SNX14: variants seen among roughly 807,000 people sequenced by gnomAD.
SNX14 encodes the protein sorting nexin 14, also known as sorting nexin-14.
SNX14 carries 93 observed loss-of-function variants against 133.8 expected under a neutral mutation model. The ratio of observed to expected loss-of-function variants is 0.70; its 90% confidence interval spans 0.59 to 0.83. The LOEUF (loss-of-function observed/expected upper bound fraction) is 0.83. Among genes scored for constraint, SNX14 ranks in the 40% least tolerant of loss-of-function variants. SNX14 has a pLI of 0.00. For missense variants in SNX14, 945 were observed against 1,094.9 expected, an observed-to-expected ratio of 0.86 and a Z score of 1.93; for synonymous variants, 368 against 365.6, an observed-to-expected ratio of 1.01 and a Z score of -0.07.
intron 21 of SNX14, among the ~76,000 whole-genome samples, chr6:85,525,459 A>G (rs1381243035): frequency 6.6e-6 from 1 of 152,192 alleles, no homozygotes. Context: ...TATTTCCACA[A>G]TCTCATGTGT....
chr6:85,554,995 A>G (rs1239686129), intron 7 of SNX14, among the ~76,000 whole-genome samples: 1 of 151,440 alleles, frequency 6.6e-6, no homozygotes, highest in Non-Finnish European at 1.5e-5. Flanking sequence ...TAATTTTTTT[A>G]TTTTTTTGTA....
intron 26 of SNX14, among the ~76,000 whole-genome samples, chr6:85,512,673 T>C (rs370457846): frequency 4.8e-4 from 73 of 151,476 alleles, no homozygotes; most frequent in African/African-American, 1.6e-3. Context: ...TTGGTTCCCC[T>C]GGAGTTTTTA....
chr6:85,584,640 AT>A, intron 1 of SNX14, among the ~76,000 whole-genome samples: 1 of 152,372 alleles, frequency 6.6e-6, no homozygotes, highest in Admixed American at 6.5e-5. Flanking sequence ...CAACAAACAT[AT>A]GAAAAAAAGC....
At chr6:85,566,107 T>A (rs1793737485) in intron 5 of SNX14, among the ~76,000 whole-genome samples, 1 of 152,242 alleles carries the variant, frequency 6.6e-6, no homozygotes, top group East Asian at 1.9e-4. Context: ...AAGGGGATAT[T>A]ACAGCATCAA....
At chr6:85,588,100 G>A (rs1801553105) in intron 1 of SNX14, among the ~76,000 whole-genome samples, 2 of 151,992 alleles carry the variant, frequency 1.3e-5, no homozygotes, top group African/African-American at 4.8e-5. Flanking sequence ...GACCAGCCTA[G>A]GCAATATAGT....
At chr6:85,507,930 C>T in intron 27 of SNX14, 38 bp downstream of exon 27, 1 of 1,574,276 alleles carries the variant, frequency 6.4e-7, no homozygotes, top group East Asian at 2.3e-5. Flanking sequence ...TTCACCAAAC[C>T]TAGCCAGCAT....
At position 85,593,599 on chromosome 6, in the gene SNX14, G is replaced by T. The variant is rs762717549; in HGVS notation, c.120C>A (p.Ala40=). The change falls in exon 1 of 29, where the codon GCC becomes GCA. Residue 40 remains alanine, a synonymous_variant. Coordinates refer to ENST00000314673, the MANE Select transcript of SNX14 (RefSeq NM_153816.6). ...GTTACCTGTTAAGAAGCAGGGAGGC[G>T]GCGCTGAGACAGAGCAGCAGGAAGC... ...LFCFLLLCLS[A]ASLLLNRYIH... is the part of the protein sequence containing the mutation. The T allele has an allele frequency of 1.4e-5, 23 of 1,612,502 alleles. No homozygotes were observed. The highest frequency in any genetic ancestry group is 1.9e-5 in the Non-Finnish European group (23 of 1,179,520).
intron 5 of SNX14, 139 bp from the exon 6 acceptor site, chr6:85,565,558 C>A (rs1793542122): frequency 5.0e-6 from 3 of 598,978 alleles, no homozygotes; most frequent in Non-Finnish European, 8.8e-6. Flanking sequence ...CATTTCATTG[C>A]AGAAAAAAAG....
chr6:85,551,500 A>C (rs115075150), intron 7 of SNX14, among the ~76,000 whole-genome samples: 297 of 152,316 alleles, frequency 1.9e-3, no homozygotes, highest in African/African-American at 7.0e-3. Context: ...GTATCAACCA[A>C]TCAGAACTCA....
chr6:85,578,845 T>C (rs1387373217), intron 1 of SNX14, among the ~76,000 whole-genome samples: 3 of 152,034 alleles, frequency 2.0e-5, no homozygotes, highest in African/African-American at 7.2e-5. Context: ...TTCTTAAGAT[T>C]TCAGAGGTAG....
Position 85,554,210 on chromosome 6 carries a change from T to C in SNX14, c.634+3766A>G, listed in dbSNP as rs142855508. 4.8e-3 allele frequency among the ~76,000 whole-genome samples: 736 copies of C among 151,932 alleles called. 23 individuals carry two copies. Among genetic ancestry groups the C allele is most frequent in the Admixed American group, 0.045 (691 of 15,246 alleles). On this transcript the variant is annotated intron_variant, in intron 7 of 28. Transcript: ENST00000314673. ...GGAGTAAGATCCCACACAATCATTA[T>C]CCAATTTAAGTTTATATATATATAT... is the stretch of plus-strand genomic sequence containing the variant.
intron 6 of SNX14, among the ~76,000 whole-genome samples, chr6:85,560,106 G>GT (rs1203193581): frequency 6.6e-6 from 1 of 152,082 alleles, no homozygotes; most frequent in Non-Finnish European, 1.5e-5. Context: ...TAGACATAGA[G>GT]TTTTTGATCC....
intron 1 of SNX14, among the ~76,000 whole-genome samples, chr6:85,585,072 C>A (rs1394182179): frequency 2.0e-5 from 3 of 152,122 alleles, no homozygotes. Flanking sequence ...AGGATGAGTT[C>A]ATGTCCTTTT....
rs1044775806 is a variant in SNX14, at chr6:85,517,686, C to T, written c.2268+70G>A. ...TTCATTAACAAAGTATTCATTCTCT[C>T]GACAATGAAAAAGTAATCTCAAGTA... On this transcript the variant is annotated intron_variant, in intron 23 of 28. Transcript: ENST00000314673. The T allele has an allele frequency of 1.3e-5, 20 of 1,481,874 alleles. No homozygotes were observed. In the African/African-American group the frequency reaches 2.0e-4, roughly 15 times the overall value. 91.8% of individuals were successfully genotyped at this position (1,481,874 alleles called of 1,614,324 possible).
intron 19 of SNX14, among the ~76,000 whole-genome samples, chr6:85,528,876 C>T (rs1235349302): frequency 6.6e-6 from 1 of 150,562 alleles, no homozygotes; most frequent in Non-Finnish European, 1.5e-5. Context: ...GATATAAAAC[C>T]CCATCTCTAC....
intron 2 of SNX14, 100 bp from the exon 3 acceptor site, chr6:85,572,474 A>C (rs1795955764): frequency 3.4e-6 from 3 of 890,618 alleles, no homozygotes; most frequent in Admixed American, 2.5e-5. Context: ...TCAATGTATA[A>C]ATTCAAAGAA....
At chr6:85,540,708 T>G (rs1783429541) in intron 15 of SNX14, among the ~76,000 whole-genome samples, 1 of 152,220 alleles carries the variant, frequency 6.6e-6, no homozygotes, top group African/African-American at 2.4e-5. Flanking sequence ...TAACACTTGG[T>G]TACGTCAAGA....
At chr6:85,521,646 AGAAG>A (rs1776907553) in intron 21 of SNX14, among the ~76,000 whole-genome samples, 3 of 152,150 alleles carry the variant, frequency 2.0e-5, no homozygotes, top group South Asian at 4.1e-4. Context: ...TTTGCTGTGT[AGAAG>A]CCTTTTATTA....
intron 20 of SNX14, among the ~76,000 whole-genome samples, chr6:85,526,990 A>G (rs949191364): frequency 6.6e-6 from 1 of 152,030 alleles, no homozygotes; most frequent in African/African-American, 2.4e-5. Context: ...AATCGGTTGA[A>G]CTCGGGAGGT....
Sources: gnomAD v4.1 joint callset for allele counts (sites outside exome capture counted in the v4.1 genomes callset) on GRCh38, gnomAD v4.1.1 for gene constraint, MANE v1.5 for transcripts, NCBI Gene and HGNC (gene_info 2026-07-23, HGNC 2026-07-21) for gene names.